The following SHQ1 variants were observed in gnomAD, a reference collection of about 807,000 sequenced individuals.
SHQ1 encodes protein SHQ1 homolog.
SHQ1 carries 49 observed loss-of-function variants against 53.8 expected under a neutral mutation model. That is an observed-to-expected ratio of 0.91 (90% confidence interval 0.72 to 1.16). The LOEUF is 1.16. Among genes scored for constraint, SHQ1 ranks in the 50% most tolerant of loss-of-function variants. The probability of loss-of-function intolerance (pLI) is 0.00; values close to 1 mark genes in which losing one functional copy is unlikely to be tolerated. For synonymous variants in SHQ1, 243 were observed against 251.0 expected, an observed-to-expected ratio of 0.97 and a Z score of 0.30; for missense variants, 738 against 683.1, an observed-to-expected ratio of 1.08 and a Z score of -0.90.
chr3:72,782,620 A>G (rs1002032290), intron 10 of SHQ1, among the ~76,000 whole-genome samples: 31 of 152,146 alleles, frequency 2.0e-4, no homozygotes, highest in African/African-American at 7.2e-4. Flanking sequence ...GGGACTTCAC[A>G]CCCCTTACAT....
intron 6 of SHQ1, among the ~76,000 whole-genome samples, chr3:72,819,192 CCAATTGCT>C (rs1264345863): frequency 6.6e-6 from 1 of 152,256 alleles, no homozygotes; most frequent in East Asian, 1.9e-4. Context: ...TAGTATTTCT[CCAATTGCT>C]CAACTTTAAG....
intron 6 of SHQ1, 29 bp from the exon 7 acceptor site, chr3:72,817,413 T>C (rs1707352344): frequency 6.3e-7 from 1 of 1,582,590 alleles, no homozygotes; most frequent in Non-Finnish European, 8.6e-7. Context: ...AAAAACTAGA[T>C]GTTTCATTCA....
intron 10 of SHQ1, among the ~76,000 whole-genome samples, chr3:72,758,567 CT>C (rs869225766): frequency 0.011 from 1,404 of 126,094 alleles, 10 homozygotes; most frequent in Middle Eastern, 0.044. Flanking sequence ...ACTATTTTTT[CT>C]TTTTTTTTTT....
At chr3:72,768,722 AAC>A (rs1318949801) in intron 10 of SHQ1, among the ~76,000 whole-genome samples, 2 of 152,228 alleles carry the variant, frequency 1.3e-5, no homozygotes, top group Non-Finnish European at 2.9e-5. Flanking sequence ...CCTCGACACA[AAC>A]ACAGATTGTT....
chr3:72,751,527 T>C (rs989788313), intron 10 of SHQ1, among the ~76,000 whole-genome samples: 10 of 138,642 alleles, frequency 7.2e-5, no homozygotes, highest in Admixed American at 2.8e-4. Context: ...TATATATATA[T>C]ATACATATAC....
chr3:72,729,059 A>G, the SHQ1 span, among the ~76,000 whole-genome samples: 1 of 152,238 alleles, frequency 6.6e-6, no homozygotes, highest in Non-Finnish European at 1.5e-5. Context: ...TTGGGCACGA[A>G]AAACAACTCC....
intron 5 of SHQ1, among the ~76,000 whole-genome samples, chr3:72,827,734 T>A (rs1308390279): frequency 6.6e-6 from 1 of 151,090 alleles, no homozygotes; most frequent in Non-Finnish European, 1.5e-5. Flanking sequence ...TCATCTGAGA[T>A]CTCAATTTTT....
At chr3:72,838,671 T>A (rs1049722093) in intron 4 of SHQ1, among the ~76,000 whole-genome samples, 1 of 152,188 alleles carries the variant, frequency 6.6e-6, no homozygotes, top group Admixed American at 6.5e-5. Context: ...AGCTAATTTT[T>A]GTATTTTTAA....
rs745678979 is a variant in SHQ1 at position 72,815,405 on chromosome 3, T to C, written c.883-2A>G. On this transcript the variant is annotated splice_acceptor_variant, in intron 7 of 10. Coordinates refer to ENST00000325599, the MANE Select transcript of SHQ1 (RefSeq NM_018130.3). LOFTEE classifies it high-confidence loss of function. Reference sequence around the variant, plus strand: ...CCTGATATTCCATGCAGATTCAACCTTTATTTGTTTTGGAGAAAAGAATAC... The same window carrying C: ...CCTGATATTCCATGCAGATTCAACCCTTATTTGTTTTGGAGAAAAGAATAC... 1.9e-6 allele frequency: 3 copies of C among 1,612,060 alleles called. No individual in the cohort carries two copies. Among genetic ancestry groups the C allele is most frequent in the Non-Finnish European group, 2.5e-6 (3 of 1,178,730 alleles).
intron 1 of SHQ1, chr3:72,846,482 C>T (rs1708332229): frequency 3.4e-6 from 2 of 592,704 alleles, no homozygotes; most frequent in East Asian, 5.8e-5. Context: ...ATTTTTAGTA[C>T]AGATGGGGTT....
intron 9 of SHQ1, chr3:72,793,250 G>T (rs1706499017): frequency 2.6e-6 from 1 of 384,220 alleles, no homozygotes; most frequent in Non-Finnish European, 4.7e-6. Flanking sequence ...GCTCACACCT[G>T]TAATTCCAGC....
chr3:72,846,632 G>C (rs371221978), intron 1 of SHQ1, among the ~76,000 whole-genome samples: 2 of 152,224 alleles, frequency 1.3e-5, no homozygotes, highest in East Asian at 3.9e-4. Context: ...CCATCTCACA[G>C]CACTCTTCCC....
rs1241126549 is a variant in SHQ1, at chr3:72,844,407, T to G, written c.160A>C (p.Arg54=). 9 of 1,613,788 alleles carry G rather than the reference T, an allele frequency of 5.6e-6. No homozygotes were observed. The highest frequency in any genetic ancestry group is 7.6e-6 in the Non-Finnish European group (9 of 1,179,772). The stretch of plus-strand genomic sequence containing the variant: ...TGCTCACTTCCATTTTCTACAATTC[T>G]TCCAGGAAGGGTTAATCTGCAGATT... ...PYFLRLTLPG[R]IVENGSEQGS... is the part of the protein sequence containing the mutation. The change falls in exon 2 of 11, where the codon AGA becomes CGA. Residue 54 remains arginine (R), a synonymous_variant. Transcript: ENST00000325599.
At chr3:72,756,825 TA>T (rs1367785270) in intron 10 of SHQ1, among the ~76,000 whole-genome samples, 13 of 152,244 alleles carry the variant, frequency 8.5e-5, no homozygotes, top group Admixed American at 8.5e-4. Context: ...AATTTCTCTT[TA>T]AAGACTGCAG....
At chr3:72,841,243 G>C (rs1487766654) in intron 3 of SHQ1, 44 bp from the exon 4 acceptor site, 46 of 1,492,418 alleles carry the variant, frequency 3.1e-5, no homozygotes, top group Non-Finnish European at 3.9e-5. Flanking sequence ...TTGGATTTAA[G>C]TACAACTAGG....
chr3:72,844,648 C>G (rs576032272), intron 1 of SHQ1, among the ~76,000 whole-genome samples: 1 of 152,044 alleles, frequency 6.6e-6, no homozygotes. Flanking sequence ...TAGTCACCAA[C>G]AAAATAGATA....
At chr3:72,840,240 CT>C (rs1345010771) in intron 4 of SHQ1, among the ~76,000 whole-genome samples, 2,370 of 84,220 alleles carry the variant, frequency 0.028, 71 homozygotes, top group African/African-American at 0.11. Flanking sequence ...GAGACTCTGT[CT>C]TAAAAAAAAA....
chr3:72,788,700 T>TA (rs1334286421), intron 10 of SHQ1, among the ~76,000 whole-genome samples: 18 of 152,164 alleles, frequency 1.2e-4, no homozygotes, highest in African/African-American at 3.9e-4. Context: ...TAGAAAGAAG[T>TA]AGACATAGGA....
At chr3:72,769,088 A>T (rs1401390546) in intron 10 of SHQ1, among the ~76,000 whole-genome samples, 1 of 152,206 alleles carries the variant, frequency 6.6e-6, no homozygotes, top group Admixed American at 6.5e-5. Context: ...ACATTAGGCC[A>T]AGGCCACAAA....
Sources: gnomAD v4.1 joint callset for allele counts (sites outside exome capture counted in the v4.1 genomes callset) on GRCh38, gnomAD v4.1.1 for gene constraint, MANE v1.5 for transcripts, NCBI Gene and HGNC (gene_info 2026-07-23, HGNC 2026-07-21) for gene names.